PCLO: variants seen among roughly 807,000 people sequenced by gnomAD.
The protein encoded by PCLO is piccolo presynaptic cytomatrix protein.
In PCLO, 82 loss-of-function variants were observed where a neutral mutation model predicts 427.5. The ratio of observed to expected loss-of-function variants is 0.19; its 90% CI spans 0.16 to 0.23. The LOEUF is 0.23. PCLO is among the 10% of genes least tolerant of loss of function. The pLI, the probability that PCLO is intolerant of heterozygous loss-of-function variation, is 1.00. For synonymous variants in PCLO, 2,357 were observed against 2,155.4 expected (o/e 1.09, Z -2.59); for missense variants, 6,239 against 6,115.9 (o/e 1.02, Z -0.67).
Position 82,801,540 on chromosome 7 carries a change from T to C in PCLO, c.14985A>G (p.Gly4995=). Residue 4995 remains glycine, a synonymous_variant, in exon 22 of 25, where the codon GGA becomes GGG. Transcript: ENST00000333891. ...GQEPVKQPGV[G]VGLADTEAKT... Reference sequence around the variant, plus strand: ...TACCTTCAGTGTCTGCTAGTCCTACTCCTACCCCTGGCTGTTTTACAGGCT... The same window carrying C: ...TACCTTCAGTGTCTGCTAGTCCTACCCCTACCCCTGGCTGTTTTACAGGCT... 1 of 1,595,612 alleles carries C rather than the reference T, an allele frequency of 6.3e-7. No homozygotes were observed. Among genetic ancestry groups the C allele is most frequent in the Non-Finnish European group, 8.6e-7 (1 of 1,163,336 alleles).
chr7:83,122,751 C>T (rs1791321426), intron 3 of PCLO, among the ~76,000 whole-genome samples: 2 of 152,174 alleles, frequency 1.3e-5, no homozygotes, highest in South Asian at 4.1e-4. Context: ...CTTAAAGACT[C>T]CACCAGAAAA....
intron 16 of PCLO, among the ~76,000 whole-genome samples, chr7:82,829,361 G>A (rs983709003): frequency 2.0e-5 from 3 of 152,152 alleles, no homozygotes; most frequent in African/African-American, 7.2e-5. Flanking sequence ...ATTAGTCTGG[G>A]ATGAGGCTTG....
Position 82,914,375 on chromosome 7 carries a change from T to A in PCLO, c.13300+311A>T, listed in dbSNP as rs189543184. On this transcript the variant is annotated intron_variant, in intron 7 of 24. Coordinates refer to ENST00000333891, the MANE Select transcript of PCLO (RefSeq NM_033026.6). Reference sequence around the variant, plus strand: ...CAATGAAAAACTTTTCAACTATGGATTTATAGGATGACCATATTTTATTGA... The same window carrying A: ...CAATGAAAAACTTTTCAACTATGGAATTATAGGATGACCATATTTTATTGA... 19 of 517,138 alleles carry A rather than the reference T, an allele frequency of 3.7e-5. No individual in the cohort carries two copies. The Admixed American group carries it at 6.1e-4, about 17-fold the overall frequency. 32.0% of individuals were successfully genotyped at this position (517,138 alleles called of 1,614,324 possible).
intron 9 of PCLO, among the ~76,000 whole-genome samples, chr7:82,888,543 T>C (rs1419252406): frequency 6.6e-6 from 1 of 152,184 alleles, no homozygotes; most frequent in Non-Finnish European, 1.5e-5. Context: ...CTTCTGTGTA[T>C]CTTATTCATT....
intron 3 of PCLO, among the ~76,000 whole-genome samples, chr7:82,991,393 C>T (rs1249423682): frequency 1.3e-5 from 2 of 152,008 alleles, no homozygotes; most frequent in African/African-American, 4.8e-5. Context: ...AGTCATGAAA[C>T]ATTGATGTTA....
chr7:82,992,638 T>G (rs190038490), intron 3 of PCLO, among the ~76,000 whole-genome samples: 21 of 152,058 alleles, frequency 1.4e-4, no homozygotes, highest in Admixed American at 1.1e-3. Context: ...AAATATCTAA[T>G]GCATGCGGGG....
intron 3 of PCLO, among the ~76,000 whole-genome samples, chr7:83,108,761 T>C (rs1027135866): frequency 2.1e-5 from 3 of 140,450 alleles, no homozygotes; most frequent in South Asian, 2.3e-4. Flanking sequence ...TTATATAATG[T>C]AATTATATTA....
chr7:83,073,475 T>C (rs1315561147), intron 3 of PCLO, among the ~76,000 whole-genome samples: 3 of 151,930 alleles, frequency 2.0e-5, no homozygotes, highest in Non-Finnish European at 4.4e-5. Context: ...CAAAGATAAA[T>C]GGCAATATGA....
At chr7:82,944,220 T>TTTTG (rs1769288833) in intron 6 of PCLO, among the ~76,000 whole-genome samples, 1 of 151,266 alleles carries the variant, frequency 6.6e-6, no homozygotes, top group African/African-American at 2.4e-5. Flanking sequence ...TTTTGTTAGC[T>TTTTG]TTTGCTTTGT....
intron 22 of PCLO, among the ~76,000 whole-genome samples, chr7:82,785,918 T>C (rs1583972901): frequency 6.6e-6 from 1 of 152,146 alleles, no homozygotes; most frequent in Admixed American, 6.5e-5. Flanking sequence ...GAGGGGCTGG[T>C]TGTGGTAAAA....
At chr7:82,825,675 C>T (rs62461388) in intron 18 of PCLO, among the ~76,000 whole-genome samples, 5,105 of 146,568 alleles carry the variant, frequency 0.035, 150 homozygotes, top group African/African-American at 0.076. Flanking sequence ...GTATATATAA[C>T]GTGTATATAT....
chr7:83,135,255 G>C lies in PCLO; in HGVS notation c.2295C>G (p.Asp765Glu), dbSNP rs371981613. The C allele has an allele frequency of 6.2e-7, 1 of 1,613,758 alleles. No individual in the cohort carries two copies. The highest frequency in any genetic ancestry group is 1.3e-5 in the African/African-American group (1 of 74,886). The change falls in exon 3 of 25, where the codon GAC becomes GAG. Residue 765 changes from aspartate (D) to glutamate (E), a missense_variant. Physicochemically the swap from Asp to Glu is conservative, Grantham distance 45. This residue lies in a region of PCLO where 4,677 missense variants were observed against 4,468.4 expected (regional missense o/e 1.05). Transcript: ENST00000333891. Reference sequence around the variant, plus strand: ...TTGTTGCTGATGATGAAGATACAAGGTCAGTGGTTGGCTTTACCATCTTGG... The same window carrying C: ...TTGTTGCTGATGATGAAGATACAAGCTCAGTGGTTGGCTTTACCATCTTGG... Reference protein sequence around the residue: ...KQPKMVKPTTDLVSSSSATTK... With the variant: ...KQPKMVKPTTELVSSSSATTK...
In PCLO at chr7:82,826,579, A is replaced by T. The variant is rs2715150; in HGVS notation, c.14415+10T>A. On this transcript the variant is annotated intron_variant, in intron 18 of 24. Coordinates refer to ENST00000333891, the MANE Select transcript of PCLO (RefSeq NM_033026.6). ...AGCAGCAAATAAGGGAAAGGAAGTCAGAGGCTTACCTCCCCAAGGAAGTCG... is the reference window on the plus strand; with the variant it reads ...AGCAGCAAATAAGGGAAAGGAAGTCTGAGGCTTACCTCCCCAAGGAAGTCG... The T allele has an allele frequency of 1.9e-6, 3 of 1,568,626 alleles. No homozygotes were observed. The highest frequency in any genetic ancestry group is 2.6e-6 in the Non-Finnish European group (3 of 1,144,234).
chr7:82,870,255 G>C (rs1390541896), intron 10 of PCLO, among the ~76,000 whole-genome samples: 1 of 151,950 alleles, frequency 6.6e-6, no homozygotes, highest in Admixed American at 6.6e-5. Flanking sequence ...TAGACTAATG[G>C]AACAGAATAC....
chr7:83,093,492 A>ATATATATATTTTTTTTTTTTT, intron 3 of PCLO, among the ~76,000 whole-genome samples: 78 of 59,192 alleles, frequency 1.3e-3, no homozygotes, highest in Non-Finnish European at 1.8e-3. Context: ...ATATATATAT[A>ATATATATATTTTTTTTTTTTT]TTTTTTTTTT....
chr7:82,996,931 G>GA (rs1238611024), intron 3 of PCLO, among the ~76,000 whole-genome samples: 1 of 151,912 alleles, frequency 6.6e-6, no homozygotes, highest in African/African-American at 2.4e-5. Context: ...AAGCCTCTGT[G>GA]AAAAATTTAT....
Position 83,134,681 on chromosome 7 carries a change from G to T in PCLO, c.2869C>A (p.Gln957Lys). ...STAGQPGPHSQSGPGAPMKQA... is the reference protein window; with the variant it reads ...STAGQPGPHSKSGPGAPMKQA... Reference sequence around the variant, plus strand: ...TTCATTGGGGCCCCTGGTCCACTTTGTGAATGAGGTCCAGGTTGGCCTGCA... The same window carrying T: ...TTCATTGGGGCCCCTGGTCCACTTTTTGAATGAGGTCCAGGTTGGCCTGCA... Residue 957 changes from glutamine (Q) to lysine (K), a missense_variant, in exon 3 of 25, where the codon CAA (glutamine) becomes AAA (lysine). This residue lies in a region of PCLO where 4,677 missense variants were observed against 4,468.4 expected (regional missense o/e 1.05). Coordinates refer to ENST00000333891, the MANE Select transcript of PCLO (RefSeq NM_033026.6). 6.2e-7 allele frequency: 1 copy of T among 1,613,756 alleles called. No homozygotes were observed. The highest frequency in any genetic ancestry group is 1.1e-5 in the South Asian group (1 of 91,072).
chr7:83,143,920 T>A (rs767864591), intron 2 of PCLO, among the ~76,000 whole-genome samples: 4 of 152,198 alleles, frequency 2.6e-5, no homozygotes, highest in Non-Finnish European at 5.9e-5. Flanking sequence ...TAGACAGTGT[T>A]TGTGGAAGTA....
At chr7:83,086,886 C>A (rs1790248774) in intron 3 of PCLO, among the ~76,000 whole-genome samples, 1 of 151,716 alleles carries the variant, frequency 6.6e-6, no homozygotes, top group Non-Finnish European at 1.5e-5. Flanking sequence ...TACTATGCAG[C>A]CATAAAAAAG....
Sources: allele counts gnomAD v4.1 joint callset (sites outside exome capture counted in the v4.1 genomes callset), GRCh38; gene constraint gnomAD v4.1.1; regional missense constraint gnomAD v4.1.1; transcripts MANE v1.5; gene names NCBI Gene and HGNC (gene_info 2026-07-23, HGNC 2026-07-21).